NME7: variants seen among roughly 807,000 people sequenced by gnomAD.
The protein encoded by NME7 is NME/NM23 family member 7, also known as nucleoside diphosphate kinase 7.
Under a neutral mutation model 49.1 loss-of-function variants are expected in NME7, and 41 were observed. The observed-to-expected ratio is 0.83, with a 90% CI of 0.65 to 1.08. NME7 has a LOEUF of 1.08. Ranked by LOEUF, NME7 falls within the 50% of genes least tolerant of loss-of-function variation. The pLI, the probability that NME7 is intolerant of heterozygous loss-of-function variation, is 0.00. For synonymous variants in NME7, 139 were observed against 150.6 expected (o/e 0.92, Z 0.56); for missense variants, 423 against 463.4 (o/e 0.91, Z 0.80).
At chr1:169,284,470 AT>A (rs1650182903) in intron 7 of NME7, 1 of 152,024 alleles carries the variant, frequency 6.6e-6, no homozygotes, top group African/African-American at 2.4e-5. Context: ...TCCCTTGTAG[AT>A]TCCAGATATT....
chr1:169,298,641 G>A lies in NME7; in HGVS notation c.563C>T (p.Ala188Val). Residue 188 changes from alanine to valine, a missense_variant, in exon 6 of 12, where the codon GCT becomes GTT. Coordinates refer to ENST00000367811, the MANE Select transcript of NME7 (RefSeq NM_013330.5). ...PANSGVARTD[A>V]SESIRALFGT... ...AAAGAGGGCTCTAATGCTTTCAGAA[G>A]CATCTGTGCGTGCCACTCCAGAGTT... 1 of 1,613,998 alleles carries A rather than the reference G, an allele frequency of 6.2e-7. No individual in the cohort carries two copies. The highest frequency in any genetic ancestry group is 8.5e-7 in the Non-Finnish European group (1 of 1,179,936).
intron 3 of NME7, among the ~76,000 whole-genome samples, chr1:169,318,125 C>T (rs1322381754): frequency 6.6e-6 from 1 of 152,124 alleles, no homozygotes; most frequent in Non-Finnish European, 1.5e-5. Context: ...GCAAGTATGC[C>T]CTTAGTTTGT....
chr1:169,254,016 A>G (rs149329341), intron 7 of NME7, among the ~76,000 whole-genome samples: 2,206 of 151,488 alleles, frequency 0.015, 57 homozygotes, highest in African/African-American at 0.05. Context: ...ATATTGGTCT[A>G]AAATTCTCTT....
At chr1:169,189,037 G>A (rs567505208) in intron 10 of NME7, among the ~76,000 whole-genome samples, 3 of 152,114 alleles carry the variant, frequency 2.0e-5, no homozygotes, top group African/African-American at 7.2e-5. Context: ...CATAACAAAA[G>A]TACAGGATTT....
chr1:169,176,063 C>T (rs939269453), intron 10 of NME7, among the ~76,000 whole-genome samples: 3 of 152,192 alleles, frequency 2.0e-5, no homozygotes, highest in Admixed American at 2.0e-4. Flanking sequence ...AATATCTTAC[C>T]AAAACTGACC....
At chr1:169,305,717 C>T (rs901730062) in intron 4 of NME7, among the ~76,000 whole-genome samples, 1 of 152,150 alleles carries the variant, frequency 6.6e-6, no homozygotes, top group Admixed American at 6.5e-5. Context: ...TGTGATGCCA[C>T]CCTCTAGATA....
chr1:169,133,239 A>AGAT (rs958201680), intron 11 of NME7, among the ~76,000 whole-genome samples: 1 of 96,580 alleles, frequency 1.0e-5, no homozygotes, highest in East Asian at 6.0e-4. Context: ...GTGTGAAAGA[A>AGAT]GATAAAAAAG....
Position 169,258,959 on chromosome 1 carries a change from A to C in NME7, c.755-21272T>G, listed in dbSNP as rs1451801561. Among the ~76,000 whole-genome samples, 2 of 133,592 alleles carry C rather than the reference A, an allele frequency of 1.5e-5. 1 individual carries two copies. Among genetic ancestry groups the C allele is most frequent in the Non-Finnish European group, 3.5e-5 (2 of 56,932 alleles). The allele number at this position is 133,592 out of a possible 152,430, so 87.6% of individuals were successfully genotyped here. ...TCTATATTTAATCCAAGTGATCCTG[A>C]TGCACACTAACGTTTCAGAACCATT... On this transcript the variant is annotated intron_variant, in intron 7 of 11. Transcript: ENST00000367811.
chr1:169,299,792 A>G (rs1650868677), intron 5 of NME7, among the ~76,000 whole-genome samples: 1 of 152,204 alleles, frequency 6.6e-6, no homozygotes, highest in South Asian at 2.1e-4. Flanking sequence ...TAAGAGTTCT[A>G]TAATACCTCC....
At chr1:169,208,926 A>AG (rs1660743956) in intron 10 of NME7, among the ~76,000 whole-genome samples, 1 of 152,106 alleles carries the variant, frequency 6.6e-6, no homozygotes, top group Admixed American at 6.6e-5. Flanking sequence ...CTGTAAGGTT[A>AG]TAAAGAATGT....
chr1:169,167,017 T>C (rs762766265), intron 11 of NME7, among the ~76,000 whole-genome samples: 2 of 152,144 alleles, frequency 1.3e-5, no homozygotes, highest in African/African-American at 2.4e-5. Context: ...TTTTAGGGAC[T>C]AACCAAGAAC....
rs570784177 is a variant in NME7 at position 169,344,620 on chromosome 1, C to T, written c.4-20120G>A. 2.3e-3 allele frequency among the ~76,000 whole-genome samples: 345 copies of T among 152,068 alleles called. 3 individuals carry two copies. The highest frequency in any genetic ancestry group is 3.9e-3 in the African/African-American group (164 of 41,542). On this transcript the variant is annotated intron_variant, in intron 1 of 11. Transcript: ENST00000367811. ...TTGTAAAGTGTTTTTCTGTGTCTAACGATAATTATGTGTGTTTTATCCTTT... is the reference window on the plus strand; with the variant it reads ...TTGTAAAGTGTTTTTCTGTGTCTAATGATAATTATGTGTGTTTTATCCTTT...
In NME7 at chr1:169,330,056, GAA is replaced by G. The variant is rs1461846486; in HGVS notation, c.4-5558_4-5557del. Among the ~76,000 whole-genome samples, 7 of 151,748 alleles carry G rather than the reference GAA, an allele frequency of 4.6e-5. No individual in the cohort carries two copies. In the East Asian group the frequency reaches 7.8e-4, roughly 17 times the overall value. On this transcript the variant is annotated intron_variant, in intron 1 of 11. Transcript: ENST00000367811. ...TCATTACATATTTAAAGTGGTGAAGGAAAAAAAGACTGTTACCCTATAATAGT... is the reference window on the plus strand; with the variant it reads ...TCATTACATATTTAAAGTGGTGAAGGAAAAAGACTGTTACCCTATAATAGT...
At chr1:169,233,541 T>C (rs114019872) in intron 9 of NME7, among the ~76,000 whole-genome samples, 311 of 152,282 alleles carry the variant, frequency 2.0e-3, no homozygotes, top group African/African-American at 7.0e-3. Context: ...CAAAGTAAAA[T>C]AATTTATTAC....
intron 1 of NME7, among the ~76,000 whole-genome samples, chr1:169,336,375 TTC>T (rs1471504271): frequency 6.6e-6 from 1 of 151,880 alleles, no homozygotes; most frequent in African/African-American, 2.4e-5. Flanking sequence ...CCTGCTTTTA[TTC>T]TCTTATCTGG....
intron 11 of NME7, among the ~76,000 whole-genome samples, chr1:169,134,575 G>A (rs915336761): frequency 1.3e-5 from 2 of 152,140 alleles, no homozygotes; most frequent in African/African-American, 2.4e-5. Context: ...CTGAAATACC[G>A]AGTTAGTATG....
chr1:169,330,326 G>A (rs1162480999), intron 1 of NME7, among the ~76,000 whole-genome samples: 1 of 152,156 alleles, frequency 6.6e-6, no homozygotes, highest in South Asian at 2.1e-4. Flanking sequence ...GTGGCGTATA[G>A]AGAAATGCAA....
intron 6 of NME7, among the ~76,000 whole-genome samples, chr1:169,294,811 A>G (rs1429338102): frequency 1.3e-5 from 2 of 152,218 alleles, no homozygotes; most frequent in African/African-American, 4.8e-5. Flanking sequence ...ACATTTCTTT[A>G]GGTGAAATGG....
rs1004530179 is a variant in NME7 at position 169,271,253 on chromosome 1, C to G, written c.754+16050G>C. ...ACATACACATGACTACTACTTGTGC[C>G]AAGAAGTTTCTTGCCCAGAAAGATA... On this transcript the variant is annotated intron_variant, in intron 7 of 11. Transcript: ENST00000367811. Among the ~76,000 whole-genome samples, 5 of 133,082 alleles carry G rather than the reference C, an allele frequency of 3.8e-5. 2 individuals carry two copies. Among genetic ancestry groups the G allele is most frequent in the Non-Finnish European group, 7.0e-5 (4 of 56,778 alleles). 87.3% of individuals were successfully genotyped at this position (133,082 alleles called of 152,430 possible). A position where few individuals can be genotyped will look rare whatever the true frequency, so the allele number is the denominator to read the frequency against.
Sources: allele counts gnomAD v4.1 joint callset (sites outside exome capture counted in the v4.1 genomes callset), GRCh38; gene constraint gnomAD v4.1.1; transcripts MANE v1.5; gene names NCBI Gene and HGNC (gene_info 2026-07-23, HGNC 2026-07-21).